The following ATP2C1 variants were observed in gnomAD, a reference collection of about 807,000 sequenced individuals.
ATP2C1 encodes the protein ATPase secretory pathway Ca2+ transporting 1, also known as calcium-transporting ATPase type 2C member 1.
A neutral mutation model predicts 120.5 loss-of-function variants in ATP2C1; 31 were observed. The ratio of observed to expected loss-of-function variants is 0.26; its 90% CI spans 0.19 to 0.35. The LOEUF (loss-of-function observed/expected upper bound fraction) is 0.35, where lower values mean the gene tolerates loss of function less well. Among genes scored for constraint, ATP2C1 ranks in the 10% least tolerant of loss-of-function variants. The probability of loss-of-function intolerance (pLI) is 1.00; values close to 1 mark genes in which losing one functional copy is unlikely to be tolerated. For missense variants in ATP2C1, 731 were observed against 1,107.5 expected, an observed-to-expected ratio of 0.66 and a Z score of 4.83; for synonymous variants, 351 against 358.7, an observed-to-expected ratio of 0.98 and a Z score of 0.24.
At chr3:130,880,619 C>T (rs112653716) in intron 1 of ATP2C1, among the ~76,000 whole-genome samples, 28 of 152,302 alleles carry the variant, frequency 1.8e-4, no homozygotes, top group African/African-American at 5.8e-4. Context: ...AAACTCTTTC[C>T]TGCCAATTTG....
At chr3:130,969,252 A>G in intron 16 of ATP2C1, 40 bp from the exon 17 acceptor site, 1 of 1,416,002 alleles carries the variant, frequency 7.1e-7, no homozygotes, top group Non-Finnish European at 1.0e-6. Context: ...AAAAATAATC[A>G]CATATAGGTG....
At chr3:130,876,218 G>A (rs2068598760) in intron 1 of ATP2C1, among the ~76,000 whole-genome samples, 1 of 151,928 alleles carries the variant, frequency 6.6e-6, no homozygotes, top group Non-Finnish European at 1.5e-5. Context: ...ATGTCCAGAA[G>A]CATTTTCCCT....
At chr3:130,889,259 TGCAAACTCA>T (rs2069084613), upstream of ATP2C1, among the ~76,000 whole-genome samples, 6 of 152,332 alleles carry the variant, frequency 3.9e-5, no homozygotes, top group African/African-American at 1.4e-4. Flanking sequence ...AGGGAGAATG[TGCAAACTCA>T]ATACAGTGGC....
rs1284649553 is a variant in ATP2C1, at chr3:130,981,528, A to AATTTTGCATGAAAATACATTTTC, written c.1839+853_1839+854insTGCATGAAAATACATTTTCATTT. On this transcript the variant is annotated intron_variant, in intron 20 of 27. Transcript: ENST00000510168. ...TACAGGCTTTTGCAGTTTGTACACA[A>AATTTTGCATGAAAATACATTTTC]ATTTATTTTGCATGAAAATACATTT... 1.1e-4 allele frequency among the ~76,000 whole-genome samples: 16 copies of AATTTTGCATGAAAATACATTTTC among 152,330 alleles called. 1 individual carries two copies. Among genetic ancestry groups the AATTTTGCATGAAAATACATTTTC allele is most frequent in the Admixed American group, 8.5e-4 (13 of 15,286 alleles).
At chr3:130,984,193 G>A (rs2108807161) in intron 20 of ATP2C1, among the ~76,000 whole-genome samples, 1 of 152,218 alleles carries the variant, frequency 6.6e-6, no homozygotes, top group East Asian at 1.9e-4. Context: ...TGGAATCCAG[G>A]TCTGTATGCT....
At chr3:130,937,886 C>T (rs1213529217) in intron 6 of ATP2C1, among the ~76,000 whole-genome samples, 4 of 152,118 alleles carry the variant, frequency 2.6e-5, no homozygotes, top group Non-Finnish European at 4.4e-5. Context: ...ATTAAAAGGT[C>T]GATCTGTGAT....
At chr3:130,972,135 C>T (rs2061344691) in intron 17 of ATP2C1, among the ~76,000 whole-genome samples, 1 of 152,150 alleles carries the variant, frequency 6.6e-6, no homozygotes, top group African/African-American at 2.4e-5. Flanking sequence ...CAACCTAGAT[C>T]CCTTGCATGT....
chr3:130,985,161 GAT>G (rs1179792815), intron 20 of ATP2C1, among the ~76,000 whole-genome samples: 1 of 152,178 alleles, frequency 6.6e-6, no homozygotes, highest in East Asian at 1.9e-4. Flanking sequence ...TCAACATTGT[GAT>G]CATGCACTTT....
chr3:131,003,322 T>A, downstream of ATP2C1: 1 of 295,004 alleles, frequency 3.4e-6, no homozygotes, highest in Non-Finnish European at 5.0e-6. Context: ...CATAATATAT[T>A]AATCCAAGTT....
intron 1 of ATP2C1, chr3:130,868,463 A>G (rs2068291328): frequency 1.0e-5 from 1 of 99,436 alleles, no homozygotes; most frequent in Non-Finnish European, 2.1e-5. Flanking sequence ...CCCGTCCGGG[A>G]GGTGAGGGGC....
At chr3:130,920,833 T>C (rs1007137416) in intron 2 of ATP2C1, among the ~76,000 whole-genome samples, 3 of 152,170 alleles carry the variant, frequency 2.0e-5, no homozygotes, top group Non-Finnish European at 4.4e-5. Context: ...TTTTTTTGTG[T>C]GTCTTGTTTA....
At chr3:130,931,612 T>A (rs1385629042) in intron 3 of ATP2C1, among the ~76,000 whole-genome samples, 4 of 152,144 alleles carry the variant, frequency 2.6e-5, no homozygotes, top group African/African-American at 9.7e-5. Context: ...GTAAGTCTTG[T>A]GGCTGATTGT....
intron 2 of ATP2C1, among the ~76,000 whole-genome samples, chr3:130,926,148 T>C (rs899244010): frequency 7.9e-5 from 12 of 152,214 alleles, no homozygotes; most frequent in African/African-American, 2.9e-4. Flanking sequence ...GTGGATTCTC[T>C]TGGCTTTCCT....
At chr3:130,878,322 T>C (rs74961322) in intron 1 of ATP2C1, among the ~76,000 whole-genome samples, 1,841 of 152,336 alleles carry the variant, frequency 0.012, 41 homozygotes, top group African/African-American at 0.041. Flanking sequence ...CTAAGGTTGC[T>C]ATTAATAAAT....
At position 130,999,627 on chromosome 3, in the gene ATP2C1, A is replaced by G; in HGVS notation, c.2597A>G (p.Lys866Arg). ...GTTATTTACTTTCCTCCGCTTCAGAAGGTTTTTCAGACTGAGAGCCTAAGC... is the reference window on the plus strand; with the variant it reads ...GTTATTTACTTTCCTCCGCTTCAGAGGGTTTTTCAGACTGAGAGCCTAAGC... ...LLVIYFPPLQ[K>R]VFQTESLSIL... The change falls in exon 27 of 28, where the codon AAG becomes AGG. Residue 866 changes from lysine to arginine, a missense_variant. Lys to Arg is a conservative substitution (Grantham distance 26, BLOSUM62 2). Around this residue, in one of 3 missense-constraint regions of ATP2C1, gnomAD observed 141 missense variants for 201.6 expected, o/e 0.70. Transcript: ENST00000510168. 2 of 1,613,576 alleles carry G rather than the reference A, an allele frequency of 1.2e-6. No homozygotes were observed. Among genetic ancestry groups the G allele is most frequent in the Non-Finnish European group, 1.7e-6 (2 of 1,179,656 alleles).
upstream of ATP2C1, among the ~76,000 whole-genome samples, chr3:130,889,173 C>T (rs921448364): frequency 2.0e-5 from 3 of 152,100 alleles, no homozygotes; most frequent in Non-Finnish European, 4.4e-5. Context: ...AATTTAGACA[C>T]GCCAATTAAC....
At chr3:130,899,639 G>A (rs1032414837) in intron 2 of ATP2C1, 4 of 152,026 alleles carry the variant, frequency 2.6e-5, no homozygotes, top group East Asian at 1.9e-4. Context: ...AAGTTGCTAC[G>A]ACAAAAGTAT....
chr3:130,941,814 C>T, intron 8 of ATP2C1, 115 bp downstream of exon 8: 1 of 922,858 alleles, frequency 1.1e-6, no homozygotes, highest in Non-Finnish European at 1.7e-6. Flanking sequence ...TGGTATTCTA[C>T]TTTAAAATGT....
At chr3:130,985,650 C>T (rs571710821) in intron 20 of ATP2C1, among the ~76,000 whole-genome samples, 49 of 147,578 alleles carry the variant, frequency 3.3e-4, no homozygotes, top group Non-Finnish European at 6.3e-4. Flanking sequence ...CCACCTCCCC[C>T]GCCCCACCAA....
Sources: allele counts gnomAD v4.1 joint callset (sites outside exome capture counted in the v4.1 genomes callset), GRCh38; gene constraint gnomAD v4.1.1; regional missense constraint gnomAD v4.1.1; transcripts MANE v1.5; gene names NCBI Gene and HGNC (gene_info 2026-07-23, HGNC 2026-07-21).